NCAM2: variants seen among roughly 807,000 people sequenced by gnomAD.
The protein encoded by NCAM2 is N-CAM-2.
In NCAM2, 30 loss-of-function variants were observed where a neutral mutation model predicts 98.1. The observed-to-expected ratio is 0.31, with a 90% confidence interval of 0.23 to 0.41. The LOEUF (loss-of-function observed/expected upper bound fraction) is 0.41. Among genes scored for constraint, NCAM2 ranks in the 10% least tolerant of loss-of-function variants. The pLI, the probability that NCAM2 is intolerant of heterozygous loss-of-function variation, is 1.00. For missense variants in NCAM2, 867 were observed against 1,005.8 expected, an observed-to-expected ratio of 0.86 and a Z score of 1.87; for synonymous variants, 368 against 342.4, an observed-to-expected ratio of 1.07 and a Z score of -0.83.
intron 1 of NCAM2, among the ~76,000 whole-genome samples, chr21:21,262,108 G>A (rs2071924955): frequency 1.3e-5 from 2 of 152,028 alleles, no homozygotes; most frequent in Admixed American, 6.6e-5. Context: ...GAACCTTAGA[G>A]GAAATGTATA....
At chr21:21,312,182 C>T (rs2074076035) in intron 5 of NCAM2, among the ~76,000 whole-genome samples, 1 of 151,874 alleles carries the variant, frequency 6.6e-6, no homozygotes, top group African/African-American at 2.4e-5. Context: ...TTCCTTTATT[C>T]ATAGTTTGCT....
intron 1 of NCAM2, among the ~76,000 whole-genome samples, chr21:21,240,041 C>G (rs1252670100): frequency 6.6e-6 from 1 of 152,062 alleles, no homozygotes; most frequent in Non-Finnish European, 1.5e-5. Context: ...ATGACACCAT[C>G]ATCTACAAAA....
At chr21:21,303,505 T>TTTCTTACCCA in intron 5 of NCAM2, among the ~76,000 whole-genome samples, 1 of 152,196 alleles carries the variant, frequency 6.6e-6, no homozygotes, top group Non-Finnish European at 1.5e-5. Context: ...ATTTCACAAT[T>TTTCTTACCCA]TTCTTACCCA....
At chr21:21,162,896 A>G (rs1003550351) in intron 1 of NCAM2, among the ~76,000 whole-genome samples, 3 of 152,292 alleles carry the variant, frequency 2.0e-5, no homozygotes, top group Admixed American at 6.5e-5. Flanking sequence ...GTCAAAAGAT[A>G]TCATGAACAG....
At chr21:21,147,414 A>G (rs960073676) in intron 1 of NCAM2, among the ~76,000 whole-genome samples, 15 of 151,804 alleles carry the variant, frequency 9.9e-5, no homozygotes, top group African/African-American at 3.6e-4. Flanking sequence ...ATTTCATTTA[A>G]TTTTTTATTT....
chr21:21,002,172 G>A (rs2064031217), intron 1 of NCAM2, among the ~76,000 whole-genome samples: 1 of 152,076 alleles, frequency 6.6e-6, no homozygotes, highest in South Asian at 2.1e-4. Flanking sequence ...TAACCCAGAG[G>A]ATTTCCCTCA....
At chr21:21,424,422 G>T (rs75033801) in intron 11 of NCAM2, among the ~76,000 whole-genome samples, 2,142 of 152,266 alleles carry the variant, frequency 0.014, 60 homozygotes, top group African/African-American at 0.049. Context: ...TAAGGTTGCT[G>T]TAGAAGTGTG....
intron 1 of NCAM2, among the ~76,000 whole-genome samples, chr21:21,032,656 T>A (rs1394083144): frequency 1.3e-5 from 2 of 152,216 alleles, no homozygotes; most frequent in East Asian, 3.9e-4. Flanking sequence ...TTAGTTTTTT[T>A]AAAGAGTATA....
rs142410932 is a variant in NCAM2, at chr21:21,442,198, G to A, written c.1654+9917G>A. Among the ~76,000 whole-genome samples the A allele has an allele frequency of 4.2e-3, 633 of 152,242 alleles. 2 individuals are homozygous for A. The highest frequency in any genetic ancestry group is 7.0e-3 in the Non-Finnish European group (474 of 68,022). On this transcript the variant is annotated intron_variant, in intron 12 of 17. Transcript: ENST00000400546. ...CTCTAGCTACTATCTTGAGGAAAGAGTGCAATAAGGCGGAACAGTTCAGAG... is the reference window on the plus strand; with the variant it reads ...CTCTAGCTACTATCTTGAGGAAAGAATGCAATAAGGCGGAACAGTTCAGAG...
At chr21:21,279,876 T>C (rs2072866964) in intron 1 of NCAM2, among the ~76,000 whole-genome samples, 1 of 152,206 alleles carries the variant, frequency 6.6e-6, no homozygotes, top group Admixed American at 6.5e-5. Flanking sequence ...GTTTGGAAAG[T>C]GGTCATGCTC....
chr21:21,089,230 T>G (rs1038397041), intron 1 of NCAM2, among the ~76,000 whole-genome samples: 1 of 152,184 alleles, frequency 6.6e-6, no homozygotes, highest in Non-Finnish European at 1.5e-5. Context: ...ATAGAAATAT[T>G]TGGGAACAGT....
intron 1 of NCAM2, among the ~76,000 whole-genome samples, chr21:21,071,998 C>G (rs566452920): frequency 6.7e-6 from 1 of 150,352 alleles, no homozygotes; most frequent in Non-Finnish European, 1.5e-5. Flanking sequence ...CTGCAAGCTC[C>G]GCCTCCCGGG....
chr21:21,111,244 A>G lies in NCAM2; in HGVS notation c.55+112626A>G, dbSNP rs148917404. ...TATTGTAACAAGTTTTGATTATTCTATTTTATTTTGCTATTCATACGTTAC... is the reference window on the plus strand; with the variant it reads ...TATTGTAACAAGTTTTGATTATTCTGTTTTATTTTGCTATTCATACGTTAC... On this transcript the variant is annotated intron_variant, in intron 1 of 17. Coordinates refer to ENST00000400546, the MANE Select transcript of NCAM2 (RefSeq NM_004540.5). Among the ~76,000 whole-genome samples the G allele has an allele frequency of 1.4e-3, 206 of 152,272 alleles. 1 individual carries two copies. The highest frequency in any genetic ancestry group is 6.8e-3 in the Middle Eastern group (2 of 294).
chr21:21,024,590 T>C (rs1343156856), intron 1 of NCAM2, among the ~76,000 whole-genome samples: 7 of 151,996 alleles, frequency 4.6e-5, no homozygotes, highest in African/African-American at 1.2e-4. Flanking sequence ...AAAATGTACA[T>C]TGGGGGCTGG....
At chr21:21,426,812 A>G (rs538398083) in intron 11 of NCAM2, among the ~76,000 whole-genome samples, 3 of 152,314 alleles carry the variant, frequency 2.0e-5, no homozygotes, top group Non-Finnish European at 4.4e-5. Context: ...GGTTCACTAC[A>G]TGAAACTTAG....
At chr21:21,179,744 A>T (rs1466128594) in intron 1 of NCAM2, among the ~76,000 whole-genome samples, 1 of 152,204 alleles carries the variant, frequency 6.6e-6, no homozygotes, top group Non-Finnish European at 1.5e-5. Context: ...AGTTTTTGCA[A>T]GTGCAGATGT....
chr21:21,499,306 A>G (rs1987466845), intron 15 of NCAM2, among the ~76,000 whole-genome samples: 1 of 152,096 alleles, frequency 6.6e-6, no homozygotes, highest in South Asian at 2.1e-4. Flanking sequence ...CAGTGGCGTG[A>G]TCTCGGCTCA....
chr21:21,241,830 G>A (rs560298354), intron 1 of NCAM2, among the ~76,000 whole-genome samples: 1 of 152,108 alleles, frequency 6.6e-6, no homozygotes, highest in Non-Finnish European at 1.5e-5. Flanking sequence ...TTGATGGTGA[G>A]TGTTCAAAAA....
chr21:21,328,843 C>T (rs1287306035), intron 6 of NCAM2, among the ~76,000 whole-genome samples: 3 of 151,974 alleles, frequency 2.0e-5, no homozygotes. Context: ...CAGTAATGTC[C>T]CAGGCCTTCA....
Sources: allele counts gnomAD v4.1 joint callset (sites outside exome capture counted in the v4.1 genomes callset), GRCh38; gene constraint gnomAD v4.1.1; transcripts MANE v1.5; gene names NCBI Gene and HGNC (gene_info 2026-07-23, HGNC 2026-07-21).